The following RPS6KC1 variants were observed in gnomAD, a reference collection of about 807,000 sequenced individuals.
RPS6KC1 encodes the protein ribosomal protein S6 kinase C1, also known as inactive ribosomal protein S6 kinase delta-1.
Under a neutral mutation model 103.8 loss-of-function variants are expected in RPS6KC1, and 54 were observed. The ratio of observed to expected loss-of-function variants is 0.52; its 90% CI spans 0.42 to 0.65. The LOEUF (loss-of-function observed/expected upper bound fraction) is 0.65. RPS6KC1 is among the 30% of genes least tolerant of loss of function. The pLI is 0.00. For synonymous variants in RPS6KC1, 439 were observed against 438.7 expected (o/e 1.00, Z -0.01); for missense variants, 1,151 against 1,253.8 (o/e 0.92, Z 1.24).
the RPS6KC1 span, among the ~76,000 whole-genome samples, chr1:213,711,285 T>C: frequency 6.6e-6 from 1 of 152,160 alleles, no homozygotes; most frequent in African/African-American, 2.4e-5. Flanking sequence ...TATCCTTTCT[T>C]CCACTTGATC....
chr1:213,310,253 C>A, the RPS6KC1 span, among the ~76,000 whole-genome samples: 5 of 152,162 alleles, frequency 3.3e-5, no homozygotes, highest in African/African-American at 1.2e-4. Context: ...TCATAACTTC[C>A]AGTGGCTTGT....
the RPS6KC1 span, among the ~76,000 whole-genome samples, chr1:213,635,475 A>G: frequency 0.37 from 56,280 of 152,126 alleles, 11,535 homozygotes; most frequent in Non-Finnish European, 0.47. Flanking sequence ...TATGCAAATC[A>G]ATAAACATAA....
chr1:213,602,120 CTCTTTCTTTCTTTCTT>C, the RPS6KC1 span, among the ~76,000 whole-genome samples: 6 of 5,152 alleles, frequency 1.2e-3, 1 homozygote, highest in African/African-American at 2.7e-3. Flanking sequence ...TTCTTTCTTT[CTCTTTCTTTCTTTCTT>C]TCTTTCTTTC....
the RPS6KC1 span, among the ~76,000 whole-genome samples, chr1:213,650,257 G>GGTGTGTTATCAATGTGTTATGTGTT: frequency 6.6e-6 from 1 of 152,146 alleles, no homozygotes; most frequent in Non-Finnish European, 1.5e-5. Flanking sequence ...CACCTCAATA[G>GGTGTGTTATCAATGTGTTATGTGTT]ACTCATACAC....
the RPS6KC1 span, among the ~76,000 whole-genome samples, chr1:213,664,105 T>G: frequency 0.024 from 3,646 of 149,796 alleles, 120 homozygotes; most frequent in East Asian, 0.14. Context: ...CCCAGCTCCC[T>G]GCAGCACACA....
chr1:213,198,655 C>T (rs766046524), intron 8 of RPS6KC1, among the ~76,000 whole-genome samples: 5 of 152,138 alleles, frequency 3.3e-5, no homozygotes, highest in Admixed American at 1.3e-4. Context: ...GAATAGACTA[C>T]TGAGTAAGTA....
intron 12 of RPS6KC1, among the ~76,000 whole-genome samples, chr1:213,244,281 G>C (rs2094417082): frequency 6.6e-6 from 1 of 151,582 alleles, no homozygotes; most frequent in African/African-American, 2.4e-5. Flanking sequence ...AAATATATTT[G>C]TTAATTATAA....
intron 8 of RPS6KC1, among the ~76,000 whole-genome samples, chr1:213,205,581 A>G (rs1176748455): frequency 2.8e-5 from 2 of 71,098 alleles, no homozygotes; most frequent in Non-Finnish European, 6.6e-5. Context: ...AAAAGAATGT[A>G]GCAGTCCCAT....
At chr1:213,339,824 TTAGCCCTG>T in the RPS6KC1 span, among the ~76,000 whole-genome samples, 3 of 152,308 alleles carry the variant, frequency 2.0e-5, no homozygotes, top group East Asian at 5.8e-4. Flanking sequence ...TGAGGGCAGG[TTAGCCCTG>T]AGGGCAATAG....
At chr1:213,103,118 T>C (rs571336069) in intron 3 of RPS6KC1, among the ~76,000 whole-genome samples, 30 of 151,778 alleles carry the variant, frequency 2.0e-4, no homozygotes, top group Non-Finnish European at 2.9e-5. Context: ...GAGGATTGCT[T>C]GAGCCTGGGA....
the RPS6KC1 span, among the ~76,000 whole-genome samples, chr1:213,842,563 A>G: frequency 1.3e-5 from 2 of 152,186 alleles, no homozygotes; most frequent in Non-Finnish European, 2.9e-5. Context: ...TTTGCCTGAC[A>G]TCCCCCAAGG....
intron 8 of RPS6KC1, among the ~76,000 whole-genome samples, chr1:213,201,118 T>A (rs2093147003): frequency 6.6e-6 from 1 of 152,140 alleles, no homozygotes; most frequent in Admixed American, 6.5e-5. Flanking sequence ...CCCTGAACTT[T>A]AAAAAAACAA....
the RPS6KC1 span, among the ~76,000 whole-genome samples, chr1:213,302,108 G>T: frequency 5.9e-5 from 9 of 152,210 alleles, no homozygotes; most frequent in Non-Finnish European, 1.3e-4. Flanking sequence ...TAGGGCCTGA[G>T]ATTCTACTTA....
the RPS6KC1 span, among the ~76,000 whole-genome samples, chr1:213,545,616 C>T: frequency 6.6e-6 from 1 of 151,874 alleles, no homozygotes; most frequent in Admixed American, 6.6e-5. Context: ...CTCATTTTAG[C>T]TTGATTACCT....
In RPS6KC1 at chr1:213,241,304, A is replaced by G. The variant is rs1301112898; in HGVS notation, c.1828A>G (p.Ser610Gly). 1 of 1,614,004 alleles carries G rather than the reference A, an allele frequency of 6.2e-7. No homozygotes were observed. Among genetic ancestry groups the G allele is most frequent in the Non-Finnish European group, 8.5e-7 (1 of 1,179,938 alleles). ...FFRIDSKDSA[S>G]ELLGLDFGEK... ...TAGGATAGACAGTAAGGATAGCGCA[A>G]GTGAACTCCTGGGACTTGACTTTGG... Residue 610 changes from serine (S) to glycine (G), a missense_variant, in exon 11 of 15, where the codon AGT becomes GGT. Physicochemically the swap from Ser to Gly is moderately conservative, Grantham distance 56. Around this residue, in one of 3 missense-constraint regions of RPS6KC1, gnomAD observed 959 missense variants for 1,006.3 expected, o/e 0.95. Coordinates refer to ENST00000366960, the MANE Select transcript of RPS6KC1 (RefSeq NM_012424.6).
the RPS6KC1 span, among the ~76,000 whole-genome samples, chr1:213,468,265 A>G: frequency 6.6e-6 from 1 of 152,238 alleles, no homozygotes; most frequent in Non-Finnish European, 1.5e-5. Flanking sequence ...TTTGGAATAT[A>G]CGTGTATACT....
the RPS6KC1 span, among the ~76,000 whole-genome samples, chr1:213,546,064 C>T: frequency 6.6e-6 from 1 of 152,190 alleles, no homozygotes; most frequent in African/African-American, 2.4e-5. Flanking sequence ...CCCCCGCTCA[C>T]CTGGACCGAA....
At chr1:213,417,621 C>T in the RPS6KC1 span, among the ~76,000 whole-genome samples, 1 of 150,214 alleles carries the variant, frequency 6.7e-6, no homozygotes, top group Non-Finnish European at 1.5e-5. Context: ...GAAACAGCTG[C>T]GTTCAAATGG....
the RPS6KC1 span, among the ~76,000 whole-genome samples, chr1:213,488,166 A>T: frequency 6.6e-6 from 1 of 152,152 alleles, no homozygotes. Context: ...CAAGCTCCCT[A>T]AGTCAGGGGT....
Sources: allele counts gnomAD v4.1 joint callset (sites outside exome capture counted in the v4.1 genomes callset), GRCh38; gene constraint gnomAD v4.1.1; regional missense constraint gnomAD v4.1.1; transcripts MANE v1.5; gene names NCBI Gene and HGNC (gene_info 2026-07-23, HGNC 2026-07-21).